ZHX3: variants seen among roughly 807,000 people sequenced by gnomAD.
ZHX3 encodes the protein zinc fingers and homeoboxes 3, also known as zinc fingers and homeoboxes protein 3.
In ZHX3, 20 loss-of-function variants were observed where a neutral mutation model predicts 64.5. That is an observed-to-expected ratio of 0.31 (90% CI 0.22 to 0.45). ZHX3 has a LOEUF of 0.45. ZHX3 is among the 20% of genes least tolerant of loss of function. The pLI is 1.00. For missense variants in ZHX3, 1,041 were observed against 1,195.8 expected (o/e 0.87, Z 1.91); for synonymous variants, 423 against 461.6 (o/e 0.92, Z 1.07).
rs550008474 is a variant in ZHX3, at chr20:41,297,524, C to T, written c.-245+19985G>A. On this transcript the variant is annotated intron_variant, in intron 1 of 3. Transcript: ENST00000683867. ...CAGCCTCGCAAACATCCCATCTTTCCTATTGTGCCATGGTTTCATGTGGAG... is the reference window on the plus strand; with the variant it reads ...CAGCCTCGCAAACATCCCATCTTTCTTATTGTGCCATGGTTTCATGTGGAG... Among the ~76,000 whole-genome samples the T allele has an allele frequency of 7.2e-5, 11 of 152,312 alleles. No homozygotes were observed. The South Asian group carries it at 2.3e-3, about 32-fold the overall frequency.
intron 1 of ZHX3, among the ~76,000 whole-genome samples, chr20:41,309,241 T>G (rs1205353992): frequency 1.3e-5 from 2 of 152,178 alleles, no homozygotes; most frequent in Non-Finnish European, 2.9e-5. Context: ...GCCAAACTCT[T>G]AAGTGTCATG....
At chr20:41,271,165 C>T (rs2043129788) in intron 1 of ZHX3, among the ~76,000 whole-genome samples, 1 of 152,150 alleles carries the variant, frequency 6.6e-6, no homozygotes, top group African/African-American at 2.4e-5. Flanking sequence ...GGACTACAGG[C>T]ACGCGCCACC....
chr20:41,196,788 A>G (rs542776839), intron 3 of ZHX3: 29 of 140,868 alleles, frequency 2.1e-4, no homozygotes, highest in Non-Finnish European at 3.7e-4. Context: ...AGCCACCAAG[A>G]AAAAAAAAAA....
intron 2 of ZHX3, among the ~76,000 whole-genome samples, chr20:41,235,178 G>GTT (rs2040886720): frequency 6.6e-6 from 1 of 151,858 alleles, no homozygotes; most frequent in Admixed American, 6.6e-5. Flanking sequence ...CCAAAATGTT[G>GTT]GTTCTATGGC....
At chr20:41,305,100 G>A (rs1453973557) in intron 1 of ZHX3, among the ~76,000 whole-genome samples, 1 of 152,176 alleles carries the variant, frequency 6.6e-6, no homozygotes, top group Non-Finnish European at 1.5e-5. Context: ...GCAAAGAAAA[G>A]GTCACATTTT....
intron 2 of ZHX3, among the ~76,000 whole-genome samples, chr20:41,252,490 T>C (rs919466425): frequency 2.0e-5 from 3 of 152,156 alleles, no homozygotes; most frequent in African/African-American, 7.2e-5. Context: ...CCAGGTGTCA[T>C]CCCGCGATGC....
chr20:41,302,068 AAAAAAAAAAAAAAAG>A, intron 1 of ZHX3, among the ~76,000 whole-genome samples: 1 of 91,366 alleles, frequency 1.1e-5, no homozygotes, highest in Non-Finnish European at 2.4e-5. Flanking sequence ...AAAAAAAAAA[AAAAAAAAAAAAAAAG>A]GAACAGGCCA....
Position 41,200,086 on chromosome 20 carries a change from G to C in ZHX3, c.2860+1971C>G, listed in dbSNP as rs1010212387. 6.7e-6 allele frequency among the ~76,000 whole-genome samples: 1 copy of C among 150,200 alleles called. No homozygotes were observed. Among genetic ancestry groups the C allele is most frequent in the Non-Finnish European group, 1.5e-5 (1 of 67,908 alleles). On this transcript the variant is annotated intron_variant, in intron 3 of 3. Transcript: ENST00000683867. The surrounding 1 kb of genome is among the most constrained non-coding windows in gnomAD (Gnocchi z 4.2). The stretch of plus-strand genomic sequence containing the variant: ...CCAGGAACATTTTCCACAGTTGCCT[G>C]CTGCAGAGCTTGCGGATGCTGAAAC...
intron 1 of ZHX3, among the ~76,000 whole-genome samples, chr20:41,272,504 A>C (rs2043192456): frequency 6.6e-6 from 1 of 152,106 alleles, no homozygotes; most frequent in Non-Finnish European, 1.5e-5. Flanking sequence ...TGAACCTTGT[A>C]CTCATTAAGC....
intron 1 of ZHX3, among the ~76,000 whole-genome samples, chr20:41,283,103 T>C (rs1198530891): frequency 1.3e-5 from 2 of 152,140 alleles, no homozygotes; most frequent in African/African-American, 4.8e-5. Flanking sequence ...AAACAGGGTT[T>C]TTGTTATGTT....
At chr20:41,284,736 C>T (rs2043850928) in intron 1 of ZHX3, among the ~76,000 whole-genome samples, 1 of 152,086 alleles carries the variant, frequency 6.6e-6, no homozygotes, top group South Asian at 2.1e-4. Flanking sequence ...AGCCCTTCAT[C>T]AAACCCTCAG....
At chr20:41,258,239 G>A in intron 2 of ZHX3, among the ~76,000 whole-genome samples, 1 of 152,118 alleles carries the variant, frequency 6.6e-6, no homozygotes, top group South Asian at 2.1e-4. Context: ...TAATTTTAGA[G>A]TTACAGAAAA....
chr20:41,303,872 T>TTAAGCATCAGCAG, intron 1 of ZHX3, among the ~76,000 whole-genome samples: 1 of 152,308 alleles, frequency 6.6e-6, no homozygotes. Flanking sequence ...CTGAGCTCTT[T>TTAAGCATCAGCAG]TAAGCATCAG....
At chr20:41,315,423 G>C (rs1223013054) in intron 1 of ZHX3, among the ~76,000 whole-genome samples, 1 of 136,774 alleles carries the variant, frequency 7.3e-6, no homozygotes, top group African/African-American at 2.8e-5. Flanking sequence ...TCGAACTCCT[G>C]ACCTCGTGAT....
chr20:41,243,526 A>G (rs1016649050), intron 2 of ZHX3, among the ~76,000 whole-genome samples: 2 of 152,186 alleles, frequency 1.3e-5, no homozygotes, highest in African/African-American at 4.8e-5. Context: ...CCTATGTGGA[A>G]GCTAAATAAA....
chr20:41,282,781 T>C (rs2043754524), intron 1 of ZHX3, among the ~76,000 whole-genome samples: 1 of 152,254 alleles, frequency 6.6e-6, no homozygotes, highest in Non-Finnish European at 1.5e-5. Context: ...ATAAAATACA[T>C]GACATCTCAT....
At chr20:41,282,928 A>C (rs2146698456) in intron 1 of ZHX3, among the ~76,000 whole-genome samples, 1 of 152,100 alleles carries the variant, frequency 6.6e-6, no homozygotes, top group East Asian at 1.9e-4. Context: ...CATTTTTTGG[A>C]GACAGGGTCT....
intron 1 of ZHX3, among the ~76,000 whole-genome samples, chr20:41,304,107 C>T (rs1167901812): frequency 6.6e-6 from 1 of 152,120 alleles, no homozygotes; most frequent in Non-Finnish European, 1.5e-5. Flanking sequence ...TTCCATGGCC[C>T]CATTCTCTCT....
rs1359585034 is a variant in ZHX3 at position 41,197,271 on chromosome 20, T to A, written c.2860+4786A>T. ...CATATATATTTTATATATAATTGTA[T>A]ATATTTAAAATACATATATATTTTA... On this transcript the variant is annotated intron_variant, in intron 3 of 3. Coordinates refer to ENST00000683867, the MANE Select transcript of ZHX3 (RefSeq NM_001384317.1). 8 of 146,298 alleles carry A rather than the reference T, an allele frequency of 5.5e-5. No individual in the cohort carries two copies. In the East Asian group the frequency reaches 1.6e-3, roughly 29 times the overall value. The allele number at this position is 146,298 out of a possible 1,614,324, so 9.1% of individuals were successfully genotyped here.
Sources: gnomAD v4.1 joint callset for allele counts (sites outside exome capture counted in the v4.1 genomes callset) on GRCh38, gnomAD v4.1.1 for gene constraint, Gnocchi (gnomAD v3.1) non-coding constraint, MANE v1.5 for transcripts, NCBI Gene and HGNC (gene_info 2026-07-23, HGNC 2026-07-21) for gene names.